The following RABL2A variants were observed in gnomAD, a reference collection of about 807,000 sequenced individuals.
RABL2A encodes the protein RAB, member of RAS oncogene family like 2A, also known as rab-like protein 2A.
Under a neutral mutation model 30.7 loss-of-function variants are expected in RABL2A, and 17 were observed. The ratio of observed to expected loss-of-function variants is 0.55; its 90% CI spans 0.38 to 0.83. The LOEUF (loss-of-function observed/expected upper bound fraction) is 0.83, where lower values mean the gene tolerates loss of function less well. Ranked by LOEUF, RABL2A falls within the 40% of genes least tolerant of loss-of-function variation. RABL2A has a pLI of 0.00. For missense variants in RABL2A, 155 were observed against 272.6 expected (o/e 0.57, Z 3.04); for synonymous variants, 64 against 101.8 (o/e 0.63, Z 2.24).
chr2:113,642,390 C>G lies in RABL2A; in HGVS notation c.*261C>G, dbSNP rs1380455378. On this transcript the variant is annotated 3_prime_UTR_variant, in exon 9 of 9. Coordinates refer to ENST00000683472, the MANE Select transcript of RABL2A (RefSeq NM_001306158.2). ...AGCATCATTAACACCTTCCCCACCC[C>G]CTCCCCCCAGGCAGACAGTGAAGAG... 1 of 726,604 alleles carries G rather than the reference C, an allele frequency of 1.4e-6. No individual in the cohort carries two copies. The highest frequency in any genetic ancestry group is 2.1e-6 in the Non-Finnish European group (1 of 465,466). 45.0% of individuals were successfully genotyped at this position (726,604 alleles called of 1,614,324 possible).
At chr2:113,629,680 G>A (rs973852896) in intron 2 of RABL2A, among the ~76,000 whole-genome samples, 19 of 152,074 alleles carry the variant, frequency 1.2e-4, no homozygotes, top group African/African-American at 4.1e-4. Context: ...GACTACAGGC[G>A]CCCGCCACCA....
At chr2:113,629,049 G>A (rs1484795185) in intron 2 of RABL2A, among the ~76,000 whole-genome samples, 2 of 151,236 alleles carry the variant, frequency 1.3e-5, no homozygotes, top group Admixed American at 1.3e-4. Flanking sequence ...ATGCCACCGT[G>A]ACAGATTGGG....
chr2:113,639,843 G>A (rs1414749036), intron 5 of RABL2A, among the ~76,000 whole-genome samples: 1 of 123,340 alleles, frequency 8.1e-6, no homozygotes. Context: ...GTAACAGAGT[G>A]AGACTCCGTC....
rs774414165 is a variant in RABL2A at position 113,641,417 on chromosome 2, C to T, written c.474C>T (p.Phe158=). The T allele has an allele frequency of 8.1e-6, 13 of 1,611,658 alleles. No homozygotes were observed. The highest frequency in any genetic ancestry group is 2.2e-5 in the South Asian group (2 of 91,004). Residue 158 remains phenylalanine (F), a synonymous_variant, in exon 7 of 9, where the codon TTC becomes TTT. Transcript: ENST00000683472. ...AGAAGTTCTCCCTGCCCCTGTATTT[C>T]GTCTCGGCTGCTGATGGTACCAATG... ...FAKKFSLPLY[F]VSAADGTNVV... is the part of the protein sequence containing the mutation.
chr2:113,634,630 G>A (rs1171917340), intron 4 of RABL2A: 10 of 404,534 alleles, frequency 2.5e-5, no homozygotes, highest in South Asian at 7.0e-5. Flanking sequence ...ATCGGGCTGC[G>A]ACCTTCCATC....
chr2:113,632,156 C>T (rs867448127), intron 2 of RABL2A, among the ~76,000 whole-genome samples: 12 of 152,094 alleles, frequency 7.9e-5, no homozygotes, highest in African/African-American at 2.9e-4. Flanking sequence ...GGGTCAAAGA[C>T]TTGAAAAAAG....
rs553674302 is a variant in RABL2A, at chr2:113,638,802, T to C, written c.298-2092T>C. Among the ~76,000 whole-genome samples, 108 of 151,714 alleles carry C rather than the reference T, an allele frequency of 7.1e-4. 1 individual carries two copies. The highest frequency in any genetic ancestry group is 1.6e-3 in the Admixed American group (25 of 15,236). On this transcript the variant is annotated intron_variant, in intron 5 of 8. Transcript: ENST00000683472. ...GAATCGTTTGAAGACAGGAGAATCG[T>C]TTGAACCCAGGAGGTGGAGGTTGCA...
At chr2:113,638,255 C>A (rs1179694289) in intron 5 of RABL2A, 1 of 984,838 alleles carries the variant, frequency 1.0e-6, no homozygotes, top group Non-Finnish European at 1.2e-6. Context: ...AGACTTCCTG[C>A]CACCTCTTGA....
chr2:113,639,346 G>A (rs558760024), intron 5 of RABL2A, among the ~76,000 whole-genome samples: 12 of 152,208 alleles, frequency 7.9e-5, no homozygotes, highest in Non-Finnish European at 1.8e-4. Context: ...AATCAGCCAG[G>A]TGCAGTAGCT....
At chr2:113,635,218 A>G in intron 5 of RABL2A, 88 bp downstream of exon 5, 3 of 1,369,058 alleles carry the variant, frequency 2.2e-6, no homozygotes, top group Admixed American at 1.8e-5. Context: ...CCTTGTAACC[A>G]AGTCTGGGTG....
chr2:113,638,451 A>G, intron 5 of RABL2A: 1 of 985,382 alleles, frequency 1.0e-6, no homozygotes, highest in Non-Finnish European at 1.2e-6. Flanking sequence ...TTTGGGCTAG[A>G]CACTTTGGAG....
chr2:113,637,005 TAA>T (rs375997102), intron 5 of RABL2A, among the ~76,000 whole-genome samples: 1,335 of 109,744 alleles, frequency 0.012, 17 homozygotes, highest in East Asian at 0.056. Context: ...AATAAAAAAA[TAA>T]AAAAATAAAG....
intron 2 of RABL2A, 100 bp from the exon 3 acceptor site, chr2:113,632,815 G>A: frequency 6.4e-7 from 1 of 1,560,362 alleles, no homozygotes; most frequent in Non-Finnish European, 8.8e-7. Context: ...GGGAAGGGAA[G>A]CCACAGGTGG....
chr2:113,639,438 A>G (rs1268227935), intron 5 of RABL2A, among the ~76,000 whole-genome samples: 1 of 151,912 alleles, frequency 6.6e-6, no homozygotes, highest in Admixed American at 6.6e-5. Context: ...CCTGGCCAAC[A>G]TGATGAAACC....
At chr2:113,637,811 G>T in intron 5 of RABL2A, 1 of 1,283,194 alleles carries the variant, frequency 7.8e-7, no homozygotes, top group Non-Finnish European at 1.0e-6. Context: ...TGGAGTGACT[G>T]CTTCCTGCAT....
intron 2 of RABL2A, among the ~76,000 whole-genome samples, chr2:113,631,407 C>T (rs986249453): frequency 7.2e-5 from 11 of 152,032 alleles, no homozygotes; most frequent in African/African-American, 2.7e-4. Flanking sequence ...ATGGGGGAAA[C>T]TTACAAGCAG....
At chr2:113,628,829 G>A in intron 2 of RABL2A, 116 bp downstream of exon 2, 6 of 1,386,136 alleles carry the variant, frequency 4.3e-6, no homozygotes, top group Non-Finnish European at 6.0e-6. Context: ...AGCAGTCTTG[G>A]CTGGAGCCCA....
chr2:113,627,558 T>C (rs1006080764), intron 1 of RABL2A, among the ~76,000 whole-genome samples, 158 bp downstream of exon 1: 5 of 151,988 alleles, frequency 3.3e-5, no homozygotes, highest in African/African-American at 1.2e-4. Context: ...AGCCTGGCGA[T>C]GCCTGGACAT....
intron 6 of RABL2A, 64 bp from the exon 7 acceptor site, chr2:113,641,289 T>G (rs1182280854): frequency 6.2e-7 from 1 of 1,609,238 alleles, no homozygotes; most frequent in Non-Finnish European, 8.5e-7. Context: ...AGGCCTCCAG[T>G]GGCCCCCCCT....
Sources: gnomAD v4.1 joint callset for allele counts (sites outside exome capture counted in the v4.1 genomes callset) on GRCh38, gnomAD v4.1.1 for gene constraint, MANE v1.5 for transcripts, NCBI Gene and HGNC (gene_info 2026-07-23, HGNC 2026-07-21) for gene names.